Variants in SPOCK3 observed in about 807,000 individuals in gnomAD.
SPOCK3 encodes the protein SPARC (osteonectin), cwcv and kazal like domains proteoglycan 3.
Under a neutral mutation model 56.6 loss-of-function variants are expected in SPOCK3, and 30 were observed. The observed-to-expected ratio is 0.53, with a 90% confidence interval of 0.40 to 0.72. The LOEUF (loss-of-function observed/expected upper bound fraction) is 0.72. Ranked by LOEUF, SPOCK3 falls within the 30% of genes least tolerant of loss-of-function variation. The pLI is 0.00. For synonymous variants in SPOCK3, 196 were observed against 183.3 expected, an observed-to-expected ratio of 1.07 and a Z score of -0.56; for missense variants, 527 against 530.0, an observed-to-expected ratio of 0.99 and a Z score of 0.06.
chr4:167,136,259 G>A (rs968043994), intron 2 of SPOCK3, among the ~76,000 whole-genome samples: 4 of 151,592 alleles, frequency 2.6e-5, no homozygotes, highest in East Asian at 2.0e-4. Flanking sequence ...AGGAACAGAG[G>A]ATACTTAAGT....
intron 2 of SPOCK3, among the ~76,000 whole-genome samples, chr4:167,204,225 T>A (rs1033327776): frequency 6.6e-6 from 1 of 151,956 alleles, no homozygotes; most frequent in Non-Finnish European, 1.5e-5. Context: ...GTGGCTATCA[T>A]AAACCACTGG....
chr4:167,064,717 C>T (rs536755476), intron 2 of SPOCK3, among the ~76,000 whole-genome samples: 1 of 151,834 alleles, frequency 6.6e-6, no homozygotes, highest in African/African-American at 2.4e-5. Flanking sequence ...CACTTATTAG[C>T]TGCATCACTT....
intron 4 of SPOCK3, among the ~76,000 whole-genome samples, chr4:166,940,883 G>A (rs1272933290): frequency 6.7e-6 from 1 of 149,164 alleles, no homozygotes; most frequent in East Asian, 2.1e-4. Context: ...CCCTGTTAAG[G>A]AAGTTTCCCG....
intron 6 of SPOCK3, among the ~76,000 whole-genome samples, chr4:166,820,007 G>T (rs1422301083): frequency 6.6e-6 from 1 of 151,952 alleles, no homozygotes; most frequent in Non-Finnish European, 1.5e-5. Context: ...ACAGGCATTA[G>T]CCACTGTGCC....
chr4:166,825,354 A>G (rs990502546), intron 6 of SPOCK3, among the ~76,000 whole-genome samples: 2 of 152,080 alleles, frequency 1.3e-5, no homozygotes, highest in African/African-American at 4.8e-5. Context: ...TTTACTGCAA[A>G]TCTTATCTAT....
intron 6 of SPOCK3, among the ~76,000 whole-genome samples, chr4:166,798,960 A>G (rs558559358): frequency 6.6e-6 from 1 of 152,278 alleles, no homozygotes; most frequent in African/African-American, 2.4e-5. Context: ...AAAACTCCCT[A>G]TTCTGGAAAC....
At chr4:166,906,890 G>A (rs1736681353) in intron 5 of SPOCK3, among the ~76,000 whole-genome samples, 1 of 151,772 alleles carries the variant, frequency 6.6e-6, no homozygotes, top group Non-Finnish European at 1.5e-5. Flanking sequence ...TAATAACATG[G>A]GCTCTGGACT....
At chr4:166,990,977 A>G (rs188952877) in intron 4 of SPOCK3, among the ~76,000 whole-genome samples, 5 of 152,302 alleles carry the variant, frequency 3.3e-5, no homozygotes, top group Admixed American at 3.3e-4. Flanking sequence ...TCCATCAAGT[A>G]CTAATTGCTT....
chr4:166,808,871 G>C (rs184283198), intron 6 of SPOCK3, among the ~76,000 whole-genome samples: 12 of 152,108 alleles, frequency 7.9e-5, no homozygotes, highest in African/African-American at 2.7e-4. Context: ...CTGTTTGATG[G>C]TGTGAAAACC....
chr4:166,791,751 T>G (rs2126653504), intron 7 of SPOCK3, among the ~76,000 whole-genome samples: 1 of 152,264 alleles, frequency 6.6e-6, no homozygotes, highest in Non-Finnish European at 1.5e-5. Flanking sequence ...TACTGATCCA[T>G]TTCACACAGG....
intron 6 of SPOCK3, among the ~76,000 whole-genome samples, chr4:166,853,545 A>C (rs1450758999): frequency 6.6e-6 from 1 of 152,214 alleles, no homozygotes; most frequent in Non-Finnish European, 1.5e-5. Flanking sequence ...TTTCACTCAG[A>C]AGTTTTCAAA....
intron 2 of SPOCK3, among the ~76,000 whole-genome samples, chr4:167,196,762 ACT>A (rs1003307628): frequency 3.8e-4 from 57 of 151,528 alleles, no homozygotes; most frequent in African/African-American, 1.3e-3. Flanking sequence ...ATCAGGGTCC[ACT>A]CTTGACTCCT....
At chr4:166,928,360 G>T (rs1189653618) in intron 4 of SPOCK3, among the ~76,000 whole-genome samples, 1 of 152,158 alleles carries the variant, frequency 6.6e-6, no homozygotes, top group Non-Finnish European at 1.5e-5. Flanking sequence ...ATAAACTGTG[G>T]TATATCCAGA....
At chr4:166,979,312 T>C (rs947400561) in intron 4 of SPOCK3, among the ~76,000 whole-genome samples, 11 of 152,108 alleles carry the variant, frequency 7.2e-5, no homozygotes, top group Admixed American at 6.5e-4. Flanking sequence ...AAATCTCTCT[T>C]GCTTTACTGA....
chr4:167,085,358 G>T (rs1758101156), intron 2 of SPOCK3, among the ~76,000 whole-genome samples: 1 of 152,034 alleles, frequency 6.6e-6, no homozygotes, highest in African/African-American at 2.4e-5. Flanking sequence ...TCTGGCAGGT[G>T]CCCAGAAAGG....
At chr4:166,979,021 A>G (rs1746289746) in intron 4 of SPOCK3, among the ~76,000 whole-genome samples, 2 of 152,200 alleles carry the variant, frequency 1.3e-5, no homozygotes, top group Middle Eastern at 3.2e-3. Context: ...AATAAGAACA[A>G]TCATAATAAT....
chr4:166,952,603 CA>C (rs1206784280), intron 4 of SPOCK3, among the ~76,000 whole-genome samples: 1 of 151,990 alleles, frequency 6.6e-6, no homozygotes, highest in African/African-American at 2.4e-5. Flanking sequence ...CATATGGAAC[CA>C]AAAAAGAGCC....
intron 5 of SPOCK3, among the ~76,000 whole-genome samples, chr4:166,900,781 T>G (rs1485019092): frequency 1.3e-5 from 2 of 152,122 alleles, no homozygotes; most frequent in Non-Finnish European, 2.9e-5. Context: ...TGTGTAAAGT[T>G]TAGGAGTTGA....
intron 4 of SPOCK3, among the ~76,000 whole-genome samples, chr4:166,948,530 T>C (rs1355587597): frequency 6.6e-6 from 1 of 152,182 alleles, no homozygotes; most frequent in African/African-American, 2.4e-5. Context: ...CATTTTTTTT[T>C]ATCTTCTGAC....
Sources: allele counts gnomAD v4.1 joint callset (sites outside exome capture counted in the v4.1 genomes callset), GRCh38; gene constraint gnomAD v4.1.1; transcripts MANE v1.5; gene names NCBI Gene and HGNC (gene_info 2026-07-23, HGNC 2026-07-21).